Variants in MRPS6 observed in about 807,000 individuals in gnomAD.
MRPS6 encodes the protein small ribosomal subunit protein bS6m.
A neutral mutation model predicts 13.1 loss-of-function variants in MRPS6; 6 were observed. The observed-to-expected ratio is 0.46, with a 90% CI of 0.25 to 0.91. The LOEUF (loss-of-function observed/expected upper bound fraction) is 0.91, where lower values mean the gene tolerates loss of function less well. Among genes scored for constraint, MRPS6 ranks in the 40% least tolerant of loss-of-function variants. The pLI is 0.18. For missense variants in MRPS6, 164 were observed against 155.6 expected (o/e 1.05, Z -0.29); for synonymous variants, 61 against 56.5 (o/e 1.08, Z -0.36).
Position 34,142,534 on chromosome 21 carries a change from A to T in MRPS6, c.312A>T (p.Glu104Asp). 6.2e-7 allele frequency: 1 copy of T among 1,613,616 alleles called. No homozygotes were observed. Among genetic ancestry groups the T allele is most frequent in the Non-Finnish European group, 8.5e-7 (1 of 1,179,846 alleles). ...VKHPLTQELKECEGIVPVPLA... is the reference protein window; with the variant it reads ...VKHPLTQELKDCEGIVPVPLA... ...ACCCTCTGACCCAGGAACTAAAAGA[A>T]TGTGAAGGGATTGTCCCAGTCCCAC... The change falls in exon 3 of 3, where the codon GAA becomes GAT. Residue 104 changes from glutamate (E) to aspartate (D), a missense_variant. Coordinates refer to ENST00000399312, the MANE Select transcript of MRPS6 (RefSeq NM_032476.4).
chr21:34,108,288 A>G (rs985682457), intron 1 of MRPS6, among the ~76,000 whole-genome samples: 5 of 152,052 alleles, frequency 3.3e-5, no homozygotes, highest in Non-Finnish European at 5.9e-5. Context: ...CTTTTATACC[A>G]TATTTTGACT....
intron 1 of MRPS6, chr21:34,098,603 T>A: frequency 1.0e-6 from 1 of 1,000,304 alleles, no homozygotes; most frequent in Non-Finnish European, 1.2e-6. Flanking sequence ...GTTGTTAGGT[T>A]GTCAATATAG....
At chr21:34,080,979 A>G (rs1021145943) in intron 1 of MRPS6, among the ~76,000 whole-genome samples, 18 of 152,164 alleles carry the variant, frequency 1.2e-4, no homozygotes, top group African/African-American at 4.3e-4. Flanking sequence ...CCGTAAAATA[A>G]TTTAAATATC....
rs1169189329 is a variant in MRPS6, at chr21:34,142,616, T to A, written c.*16T>A. On this transcript the variant is annotated 3_prime_UTR_variant, in exon 3 of 3. Coordinates refer to ENST00000399312, the MANE Select transcript of MRPS6 (RefSeq NM_032476.4). ...GAAGAAGTGAGAAGATTCGCCAGATTTTAGCCTTATATGTAATTCCTTCAC... is the reference window on the plus strand; with the variant it reads ...GAAGAAGTGAGAAGATTCGCCAGATATTAGCCTTATATGTAATTCCTTCAC... The A allele has an allele frequency of 2.5e-6, 4 of 1,584,684 alleles. No homozygotes were observed. The highest frequency in any genetic ancestry group is 3.4e-6 in the Non-Finnish European group (4 of 1,168,416).
intron 1 of MRPS6, among the ~76,000 whole-genome samples, chr21:34,086,535 G>A (rs1978391795): frequency 6.6e-6 from 1 of 151,686 alleles, no homozygotes. Flanking sequence ...GTGTGTGTGT[G>A]TGTGTGTGTG....
rs1046100865 is a variant in MRPS6 at position 34,142,594 on chromosome 21, G to T, written c.372G>T (p.Lys124Asn). Reference protein sequence around the residue: ...AEKLYSTKKRKK With the variant: ...AEKLYSTKKRNK Reference sequence around the variant, plus strand: ...AATTATATTCCACAAAGAAGAGGAAGAAGTGAGAAGATTCGCCAGATTTTA... The same window carrying T: ...AATTATATTCCACAAAGAAGAGGAATAAGTGAGAAGATTCGCCAGATTTTA... The change falls in exon 3 of 3, where the codon AAG becomes AAT. Residue 124 changes from lysine to asparagine, a missense_variant. Lys to Asn is a moderately conservative substitution (Grantham distance 94). Transcript: ENST00000399312. 2 of 1,598,306 alleles carry T rather than the reference G, an allele frequency of 1.3e-6. No homozygotes were observed. Among genetic ancestry groups the T allele is most frequent in the Non-Finnish European group, 1.7e-6 (2 of 1,174,308 alleles).
intron 1 of MRPS6, among the ~76,000 whole-genome samples, chr21:34,109,865 A>G (rs1173470359): frequency 5.3e-5 from 8 of 151,808 alleles, no homozygotes; most frequent in Non-Finnish European, 1.0e-4. Flanking sequence ...TACCTTGAAT[A>G]TATATCATTT....
intron 1 of MRPS6, among the ~76,000 whole-genome samples, chr21:34,077,040 A>T (rs556659791): frequency 6.6e-6 from 1 of 152,310 alleles, no homozygotes; most frequent in Admixed American, 6.5e-5. Context: ...GGTGAGGTCT[A>T]TATCCACCTC....
rs144539781 is a variant in MRPS6 at position 34,125,445 on chromosome 21, G to A, written c.150G>A (p.Arg50=). 2.1e-4 allele frequency: 341 copies of A among 1,613,960 alleles called. No individual in the cohort carries two copies. Among genetic ancestry groups the A allele is most frequent in the Non-Finnish European group, 2.7e-4 (320 of 1,179,950 alleles). The change falls in exon 2 of 3, where the codon AGG becomes AGA. Residue 50 remains arginine, a synonymous_variant. Transcript: ENST00000399312. ...ENLGERALPY[R]ISAHSQQHNR... Reference sequence around the variant, plus strand: ...TGGGTGAACGAGCGCTTCCTTATAGGATCTCTGCCCACAGTCAGCAGCACA... The same window carrying A: ...TGGGTGAACGAGCGCTTCCTTATAGAATCTCTGCCCACAGTCAGCAGCACA...
intron 2 of MRPS6, among the ~76,000 whole-genome samples, chr21:34,132,277 T>C (rs372658164): frequency 2.6e-5 from 4 of 152,188 alleles, no homozygotes; most frequent in Non-Finnish European, 5.9e-5. Context: ...CTTCGCTGTT[T>C]TGGTAGCGTT....
intron 1 of MRPS6, among the ~76,000 whole-genome samples, chr21:34,074,499 G>A (rs1044758173): frequency 1.3e-4 from 20 of 152,210 alleles, no homozygotes; most frequent in African/African-American, 3.6e-4. Context: ...AGGTTTGGAG[G>A]GATGCTAAGC....
chr21:34,118,510 C>A (rs1980006924), intron 1 of MRPS6, among the ~76,000 whole-genome samples: 1 of 151,002 alleles, frequency 6.6e-6, no homozygotes, highest in Non-Finnish European at 1.5e-5. Context: ...GTTTTAAAGC[C>A]TGTTAAGTCT....
At chr21:34,123,520 C>T (rs1183751214) in intron 1 of MRPS6, 1 of 152,010 alleles carries the variant, frequency 6.6e-6, no homozygotes, top group Non-Finnish European at 1.5e-5. Context: ...TCTAGAGATC[C>T]CATCCCAAAT....
At chr21:34,083,852 A>G (rs2148654425) in intron 1 of MRPS6, among the ~76,000 whole-genome samples, 1 of 152,230 alleles carries the variant, frequency 6.6e-6, no homozygotes, top group East Asian at 1.9e-4. Context: ...TGTCTTGAGT[A>G]TTTTATCTGA....
intron 1 of MRPS6, chr21:34,095,006 A>T: frequency 1.6e-6 from 1 of 635,000 alleles, no homozygotes; most frequent in Non-Finnish European, 2.5e-6. Context: ...GAAAATTTAA[A>T]CTGTCTTCTT....
chr21:34,112,183 TTTTA>T (rs1437233936), intron 1 of MRPS6, among the ~76,000 whole-genome samples: 1 of 152,242 alleles, frequency 6.6e-6, no homozygotes, highest in African/African-American at 2.4e-5. Flanking sequence ...AGTTAGCAAC[TTTTA>T]TTTCTCAATT....
intron 1 of MRPS6, chr21:34,095,757 C>T (rs1602928687): frequency 6.2e-7 from 1 of 1,614,074 alleles, no homozygotes; most frequent in Non-Finnish European, 8.5e-7. Flanking sequence ...CACAGACACT[C>T]TGCAGGCTCT....
rs1360023018 is a variant in MRPS6, at chr21:34,125,154, A to G, written c.46-187A>G. On this transcript the variant is annotated intron_variant, in intron 1 of 2. Transcript: ENST00000399312. ...ATTCCTCGTATCTGTGAGCTATCTC[A>G]TATCCTTACAATAAATTCTCTCTCT... The G allele has an allele frequency of 4.3e-6, 4 of 923,148 alleles. No homozygotes were observed. The East Asian group carries it at 1.1e-4, about 26-fold the overall frequency. 57.2% of individuals were successfully genotyped at this position (923,148 alleles called of 1,614,324 possible).
rs1979023705 is a variant in MRPS6, at chr21:34,097,546, G to A, written c.45+23801G>A. The A allele has an allele frequency of 4.4e-6, 6 of 1,379,272 alleles. No homozygotes were observed. In the South Asian group the frequency reaches 1.1e-4, roughly 26 times the overall value. 85.4% of individuals were successfully genotyped at this position (1,379,272 alleles called of 1,614,324 possible). A position where few individuals can be genotyped will look rare whatever the true frequency, so the allele number is the denominator to read the frequency against. ...GGATTAAAGTAAATCTTCAACTTAA[G>A]TGAAGCCAAACCTAACAGACTGAAT... On this transcript the variant is annotated intron_variant, in intron 1 of 2. Transcript: ENST00000399312.
Sources: gnomAD v4.1 joint callset for allele counts (sites outside exome capture counted in the v4.1 genomes callset) on GRCh38, gnomAD v4.1.1 for gene constraint, MANE v1.5 for transcripts, NCBI Gene and HGNC (gene_info 2026-07-23, HGNC 2026-07-21) for gene names.